Variants in PHACTR1 observed in about 807,000 individuals in gnomAD.
PHACTR1 encodes the protein phosphatase and actin regulator 1.
Under a neutral mutation model 69.2 loss-of-function variants are expected in PHACTR1, and 16 were observed. The observed-to-expected ratio is 0.23, with a 90% CI of 0.16 to 0.35. The LOEUF is 0.35. Ranked by LOEUF, PHACTR1 falls within the 10% of genes least tolerant of loss-of-function variation. The pLI is 1.00. For missense variants in PHACTR1, 510 were observed against 734.7 expected (o/e 0.69, Z 3.54); for synonymous variants, 312 against 284.5 (o/e 1.10, Z -0.97).
chr6:12,754,959 C>T (rs1468853711), intron 4 of PHACTR1, among the ~76,000 whole-genome samples: 1 of 152,078 alleles, frequency 6.6e-6, no homozygotes, highest in African/African-American at 2.4e-5. Flanking sequence ...TTTTGTTATT[C>T]GCAGGGGATC....
intron 4 of PHACTR1, among the ~76,000 whole-genome samples, chr6:12,984,685 T>C (rs1795912662): frequency 6.6e-6 from 1 of 152,248 alleles, no homozygotes; most frequent in African/African-American, 2.4e-5. Context: ...TTATAGGATA[T>C]TAGCTAAAAC....
intron 4 of PHACTR1, among the ~76,000 whole-genome samples, chr6:13,043,808 A>G (rs1160345479): frequency 1.3e-5 from 2 of 152,234 alleles, no homozygotes; most frequent in Non-Finnish European, 2.9e-5. Context: ...ATTTAAGATG[A>G]AAAAAGGGTC....
chr6:12,804,333 CATAA>C (rs773966478), intron 4 of PHACTR1, among the ~76,000 whole-genome samples: 12 of 152,112 alleles, frequency 7.9e-5, no homozygotes, highest in Non-Finnish European at 1.5e-4. Context: ...GCTTTTGTCC[CATAA>C]ATTTTTCTGA....
chr6:12,756,677 G>A (rs928776206), intron 4 of PHACTR1, among the ~76,000 whole-genome samples: 10 of 152,206 alleles, frequency 6.6e-5, no homozygotes, highest in African/African-American at 1.2e-4. Context: ...CAATTCAGCA[G>A]CAGAATCTTT....
chr6:13,285,238 G>T (rs1562130616), intron 13 of PHACTR1, among the ~76,000 whole-genome samples: 1 of 152,148 alleles, frequency 6.6e-6, no homozygotes, highest in Non-Finnish European at 1.5e-5. Context: ...CAGGAAGCAT[G>T]GGGTGACCCC....
intron 5 of PHACTR1, among the ~76,000 whole-genome samples, chr6:13,119,709 G>C (rs1422495883): frequency 6.6e-6 from 1 of 152,306 alleles, no homozygotes; most frequent in Middle Eastern, 3.4e-3. Context: ...GAGGCTGAGC[G>C]GATAAATGCT....
At chr6:13,099,027 A>G (rs1218147381) in intron 5 of PHACTR1, among the ~76,000 whole-genome samples, 6 of 152,338 alleles carry the variant, frequency 3.9e-5, no homozygotes, top group African/African-American at 1.2e-4. Flanking sequence ...GATGTGGCCT[A>G]TTAGGCCCTG....
chr6:13,199,949 T>C, intron 7 of PHACTR1, among the ~76,000 whole-genome samples: 1 of 152,344 alleles, frequency 6.6e-6, no homozygotes, highest in South Asian at 2.1e-4. Flanking sequence ...ATTAGGTGAA[T>C]AGATTTTAGG....
In PHACTR1 at chr6:13,145,741, G is replaced by A. The variant is rs11966454; in HGVS notation, c.416-14463G>A. On this transcript the variant is annotated intron_variant, in intron 5 of 14. Coordinates refer to ENST00000332995, the MANE Select transcript of PHACTR1 (RefSeq NM_030948.6). Reference sequence around the variant, plus strand: ...ACACACAGCAAGAAGGCAGCCATCCGCAAGCCAGGAAGTGAGCCCTCATCA... The same window carrying A: ...ACACACAGCAAGAAGGCAGCCATCCACAAGCCAGGAAGTGAGCCCTCATCA... Among the ~76,000 whole-genome samples, 534 of 152,262 alleles carry A rather than the reference G, an allele frequency of 3.5e-3. 1 individual carries two copies. Among genetic ancestry groups the A allele is most frequent in the African/African-American group, 0.012 (482 of 41,562 alleles).
chr6:13,005,687 T>G (rs1310923658), intron 4 of PHACTR1, among the ~76,000 whole-genome samples: 2 of 152,182 alleles, frequency 1.3e-5, no homozygotes, highest in Non-Finnish European at 2.9e-5. Flanking sequence ...GTAGAGGTGT[T>G]CCTTTGATCA....
rs1383931837 is a variant in PHACTR1 at position 13,019,068 on chromosome 6, A to AT, written c.251-34296dup. On this transcript the variant is annotated intron_variant, in intron 4 of 14. Coordinates refer to ENST00000332995, the MANE Select transcript of PHACTR1 (RefSeq NM_030948.6). The stretch of plus-strand genomic sequence containing the variant: ...TTACAGTTGAAATATATATATATAT[A>AT]TATATATTTTTTCTTTTTCTTTTTG... Among the ~76,000 whole-genome samples the AT allele has an allele frequency of 6.7e-3, 916 of 137,706 alleles. 7 individuals are homozygous for AT. The highest frequency in any genetic ancestry group is 0.015 in the South Asian group (64 of 4,282). The allele number at this position is 137,706 out of a possible 152,430, so 90.3% of individuals were successfully genotyped here. A position where few individuals can be genotyped will look rare whatever the true frequency, so the allele number is the denominator to read the frequency against.
At chr6:12,900,982 G>A (rs563645978) in intron 4 of PHACTR1, among the ~76,000 whole-genome samples, 2 of 152,254 alleles carry the variant, frequency 1.3e-5, no homozygotes, top group South Asian at 4.1e-4. Flanking sequence ...TTGATAAAGG[G>A]ACAATCTGTA....
intron 4 of PHACTR1, among the ~76,000 whole-genome samples, chr6:12,772,948 A>G (rs1769575411): frequency 6.6e-6 from 1 of 152,222 alleles, no homozygotes; most frequent in Non-Finnish European, 1.5e-5. Context: ...CCCATTTTTA[A>G]TTTAAACTTC....
At chr6:13,049,554 A>G (rs1310798245) in intron 4 of PHACTR1, among the ~76,000 whole-genome samples, 2 of 152,202 alleles carry the variant, frequency 1.3e-5, no homozygotes, top group Non-Finnish European at 2.9e-5. Flanking sequence ...TCAAAGAATG[A>G]TAGGAAATCT....
chr6:12,957,350 C>T, intron 4 of PHACTR1: 2 of 984,576 alleles, frequency 2.0e-6, no homozygotes, highest in Non-Finnish European at 2.4e-6. Context: ...GCTGTACAGG[C>T]TTGCTGAGTC....
chr6:13,187,234 T>C (rs1169663154), intron 7 of PHACTR1, among the ~76,000 whole-genome samples: 1 of 152,180 alleles, frequency 6.6e-6, no homozygotes, highest in Admixed American at 6.5e-5. Flanking sequence ...TGGGGACCCC[T>C]GGTTTGATGA....
intron 4 of PHACTR1, among the ~76,000 whole-genome samples, chr6:12,970,204 G>A (rs1406153932): frequency 6.6e-6 from 1 of 152,156 alleles, no homozygotes; most frequent in Admixed American, 6.5e-5. Context: ...GAGAATGCCT[G>A]CCAAAGACAA....
chr6:13,133,894 G>A (rs1397560029), intron 5 of PHACTR1, among the ~76,000 whole-genome samples: 3 of 151,036 alleles, frequency 2.0e-5, no homozygotes, highest in Non-Finnish European at 4.4e-5. Flanking sequence ...AGTGAGGAGT[G>A]TCTCTGCCCG....
intron 4 of PHACTR1, among the ~76,000 whole-genome samples, chr6:12,924,272 A>C (rs1363945630): frequency 6.6e-6 from 1 of 152,244 alleles, no homozygotes; most frequent in Non-Finnish European, 1.5e-5. Context: ...GTGTCCATAC[A>C]TATGCCAACA....
Sources: allele counts gnomAD v4.1 joint callset (sites outside exome capture counted in the v4.1 genomes callset), GRCh38; gene constraint gnomAD v4.1.1; transcripts MANE v1.5; gene names NCBI Gene and HGNC (gene_info 2026-07-23, HGNC 2026-07-21).